Variants in ZNF33A observed in about 807,000 individuals in gnomAD.
ZNF33A encodes zinc finger protein 33A, also known as brain my041 protein.
A neutral mutation model predicts 15.9 loss-of-function variants in ZNF33A; 9 were observed. The observed-to-expected ratio is 0.57, with a 90% CI of 0.34 to 0.99. The LOEUF (loss-of-function observed/expected upper bound fraction) is 0.99. ZNF33A is among the 50% of genes least tolerant of loss of function. The pLI, the probability that ZNF33A is intolerant of heterozygous loss-of-function variation, is 0.02. For missense variants in ZNF33A, 843 were observed against 941.6 expected (o/e 0.90, Z 1.37); for synonymous variants, 294 against 324.2 (o/e 0.91, Z 1.00).
Position 38,057,565 on chromosome 10 carries a change from A to G in ZNF33A, c.*1005A>G, listed in dbSNP as rs2066537219. On this transcript the variant is annotated 3_prime_UTR_variant, in exon 5 of 5. Transcript: ENST00000432900. ...TCCCAGATGTTTGTGATGTCCTGAA[A>G]CAATTTAAAAGGAGACCCACAGAGC... 4 of 984,760 alleles carry G rather than the reference A, an allele frequency of 4.1e-6. No individual in the cohort carries two copies. The highest frequency in any genetic ancestry group is 1.2e-6 in the Non-Finnish European group (1 of 829,390). The allele number at this position is 984,760 out of a possible 1,614,324, so 61.0% of individuals were successfully genotyped here. A position where few individuals can be genotyped will look rare whatever the true frequency, so the allele number is the denominator to read the frequency against.
chr10:38,015,858 G>A (rs2064428964), intron 2 of ZNF33A: 1 of 483,162 alleles, frequency 2.1e-6, no homozygotes, highest in Non-Finnish European at 3.3e-6. Context: ...TTATGTAAAT[G>A]TTGTTTTGTC....
chr10:38,062,966 G>T (rs2066671548), downstream of ZNF33A, among the ~76,000 whole-genome samples: 1 of 124,886 alleles, frequency 8.0e-6, no homozygotes, highest in African/African-American at 3.2e-5. Flanking sequence ...TCACGCCGCT[G>T]CACTCCAGCC....
At chr10:38,026,660 A>G (rs2135595806) in intron 4 of ZNF33A, among the ~76,000 whole-genome samples, 1 of 152,314 alleles carries the variant, frequency 6.6e-6, no homozygotes, top group African/African-American at 2.4e-5. Flanking sequence ...TTGCTCGTGC[A>G]TTTTATGTCA....
intron 4 of ZNF33A, among the ~76,000 whole-genome samples, chr10:38,032,276 CATA>C (rs2065247255): frequency 6.6e-6 from 1 of 152,034 alleles, no homozygotes; most frequent in Non-Finnish European, 1.5e-5. Context: ...AAGAACAATA[CATA>C]ATATCAGTTG....
At chr10:38,032,344 TATATG>T (rs2065249169) in intron 4 of ZNF33A, among the ~76,000 whole-genome samples, 1 of 152,216 alleles carries the variant, frequency 6.6e-6, no homozygotes, top group African/African-American at 2.4e-5. Flanking sequence ...TCTTGAGAAT[TATATG>T]AGATATAATT....
chr10:38,012,268 C>G, intron 1 of ZNF33A, 30 bp from the exon 2 acceptor site: 1 of 1,604,802 alleles, frequency 6.2e-7, no homozygotes, highest in South Asian at 1.1e-5. Flanking sequence ...CCAAATCTTT[C>G]ATGACCCCAT....
intron 4 of ZNF33A, among the ~76,000 whole-genome samples, chr10:38,034,832 A>T (rs2065369841): frequency 6.6e-6 from 1 of 152,116 alleles, no homozygotes; most frequent in Non-Finnish European, 1.5e-5. Context: ...GGTATTAGAA[A>T]CCAAGATAGG....
At chr10:38,016,458 A>G (rs1306080632) in intron 2 of ZNF33A, among the ~76,000 whole-genome samples, 5 of 152,306 alleles carry the variant, frequency 3.3e-5, no homozygotes, top group African/African-American at 1.2e-4. Context: ...ATGCTTATGA[A>G]GAACGTAATA....
In ZNF33A at chr10:38,055,122, A is replaced by C. The variant is rs773168594; in HGVS notation, c.998A>C (p.Glu333Ala). The C allele has an allele frequency of 1.2e-6, 2 of 1,614,138 alleles. No homozygotes were observed. Among genetic ancestry groups the C allele is most frequent in the South Asian group, 1.1e-5 (1 of 91,082 alleles). ...DKGEKHFECN[E>A]CGKAFWEKSH... ...GGAGAGAAACACTTTGAATGTAATG[A>C]ATGTGGGAAAGCTTTCTGGGAGAAG... Residue 333 changes from glutamate (E) to alanine (A), a missense_variant, in exon 5 of 5, where the codon GAA becomes GCA. Coordinates refer to ENST00000432900, the MANE Select transcript of ZNF33A (RefSeq NM_006954.2).
intron 4 of ZNF33A, among the ~76,000 whole-genome samples, chr10:38,031,548 T>TGA (rs2135630169): frequency 7.6e-6 from 1 of 131,026 alleles, no homozygotes; most frequent in Admixed American, 8.7e-5. Flanking sequence ...CCAGCCTGGG[T>TGA]GACAGAGTGA....
chr10:38,013,375 C>T (rs530078789), intron 2 of ZNF33A, among the ~76,000 whole-genome samples: 1 of 151,866 alleles, frequency 6.6e-6, no homozygotes, highest in South Asian at 2.1e-4. Flanking sequence ...TCCCAAAGTG[C>T]TGGGATTACA....
At chr10:38,034,685 T>C (rs956534415) in intron 4 of ZNF33A, among the ~76,000 whole-genome samples, 5 of 152,220 alleles carry the variant, frequency 3.3e-5, no homozygotes, top group South Asian at 2.1e-4. Context: ...AGTGGAGATA[T>C]ATGAATTTTG....
intron 4 of ZNF33A, among the ~76,000 whole-genome samples, chr10:38,024,394 C>T (rs1414466106): frequency 3.9e-5 from 6 of 151,938 alleles, no homozygotes; most frequent in Non-Finnish European, 7.4e-5. Context: ...TTACAAAATG[C>T]TGATGAAAGA....
intron 4 of ZNF33A, among the ~76,000 whole-genome samples, chr10:38,018,050 T>C (rs938630285): frequency 7.2e-5 from 11 of 152,188 alleles, no homozygotes; most frequent in African/African-American, 2.7e-4. Context: ...GCTGAGACTG[T>C]GCCACTGCAC....
chr10:38,014,677 C>T (rs2135537905), intron 2 of ZNF33A, among the ~76,000 whole-genome samples: 1 of 152,174 alleles, frequency 6.6e-6, no homozygotes, highest in East Asian at 1.9e-4. Context: ...GTTTTTTGGG[C>T]TATGTTCTGT....
chr10:38,061,344 G>C (rs1203093663), downstream of ZNF33A, among the ~76,000 whole-genome samples: 1 of 152,146 alleles, frequency 6.6e-6, no homozygotes, highest in African/African-American at 2.4e-5. Context: ...GTGTCAAGAT[G>C]CACATGCATG....
chr10:38,016,838 T>C, intron 2 of ZNF33A, 33 bp from the exon 3 acceptor site: 1 of 1,609,632 alleles, frequency 6.2e-7, no homozygotes, highest in Non-Finnish European at 8.5e-7. Flanking sequence ...CCCATACTTC[T>C]TTTTTCATGC....
intron 2 of ZNF33A, among the ~76,000 whole-genome samples, chr10:38,016,403 C>G (rs675628): frequency 0.77 from 116,955 of 152,080 alleles, 45,181 homozygotes; most frequent in South Asian, 0.93. Flanking sequence ...TTGTTGATGT[C>G]TGCAGTGTGT....
chr10:38,057,420 T>C lies in ZNF33A; in HGVS notation c.*860T>C. The stretch of plus-strand genomic sequence containing the variant: ...AATTATCCCTGAAGTTCAAAAGACT[T>C]ATATATGTATAAGTGGTATGTGATA... On this transcript the variant is annotated 3_prime_UTR_variant, in exon 5 of 5. Coordinates refer to ENST00000432900, the MANE Select transcript of ZNF33A (RefSeq NM_006954.2). 1 of 985,388 alleles carries C rather than the reference T, an allele frequency of 1.0e-6. No homozygotes were observed. The highest frequency in any genetic ancestry group is 1.2e-6 in the Non-Finnish European group (1 of 829,910). 61.0% of individuals were successfully genotyped at this position (985,388 alleles called of 1,614,324 possible). A position where few individuals can be genotyped will look rare whatever the true frequency, so the allele number is the denominator to read the frequency against.
Sources: allele counts gnomAD v4.1 joint callset (sites outside exome capture counted in the v4.1 genomes callset), GRCh38; gene constraint gnomAD v4.1.1; transcripts MANE v1.5; gene names NCBI Gene and HGNC (gene_info 2026-07-23, HGNC 2026-07-21).